The following SBF2 variants were observed in gnomAD, a reference collection of about 807,000 sequenced individuals.
SBF2 encodes SET binding factor 2.
A neutral mutation model predicts 225.2 loss-of-function variants in SBF2; 112 were observed. The ratio of observed to expected loss-of-function variants is 0.50; its 90% confidence interval spans 0.43 to 0.58. The LOEUF is 0.58. SBF2 is among the 20% of genes least tolerant of loss of function. The pLI is 0.00. For missense variants in SBF2, 1,996 were observed against 2,206.2 expected (o/e 0.90, Z 1.91); for synonymous variants, 763 against 773.3 (o/e 0.99, Z 0.22).
chr11:9,852,550 A>C (rs528435586), intron 21 of SBF2, 126 bp downstream of exon 21: 3 of 755,148 alleles, frequency 4.0e-6, no homozygotes, highest in South Asian at 2.9e-5. Flanking sequence ...ACAGTTTAAC[A>C]TATCATTAAA....
At chr11:9,935,056 C>T (rs879227872) in intron 16 of SBF2, among the ~76,000 whole-genome samples, 1 of 152,034 alleles carries the variant, frequency 6.6e-6, no homozygotes, top group Non-Finnish European at 1.5e-5. Context: ...TTTAGAAAAC[C>T]CCATCGTCTC....
chr11:10,244,771 C>A (rs545672420), intron 1 of SBF2, among the ~76,000 whole-genome samples: 1 of 152,214 alleles, frequency 6.6e-6, no homozygotes, highest in Admixed American at 6.5e-5. Context: ...GCAAACTATA[C>A]AACTGATAAA....
At chr11:9,993,202 G>A in intron 10 of SBF2, 99 bp from the exon 11 acceptor site, 8 of 813,488 alleles carry the variant, frequency 9.8e-6, no homozygotes, top group Non-Finnish European at 1.6e-5. Flanking sequence ...CAAGTCCTTT[G>A]ATTTTTATAT....
chr11:10,078,640 G>A (rs554406325), intron 2 of SBF2, among the ~76,000 whole-genome samples: 16 of 151,916 alleles, frequency 1.1e-4, no homozygotes, highest in Admixed American at 9.8e-4. Context: ...GGGTTTGGGG[G>A]CTGGGGGAGG....
intron 2 of SBF2, among the ~76,000 whole-genome samples, chr11:10,125,471 G>A (rs1053851466): frequency 5.9e-5 from 9 of 151,976 alleles, no homozygotes; most frequent in African/African-American, 1.9e-4. Flanking sequence ...GTTAATGAAC[G>A]ACACTAGAAA....
intron 2 of SBF2, among the ~76,000 whole-genome samples, chr11:10,118,916 AAAACT>A (rs1421969804): frequency 1.3e-5 from 2 of 150,460 alleles, no homozygotes; most frequent in African/African-American, 4.9e-5. Context: ...AAAAAAAAAC[AAAACT>A]AAACAAACAA....
intron 1 of SBF2, among the ~76,000 whole-genome samples, chr11:10,261,482 C>T (rs1961428092): frequency 2.0e-5 from 3 of 152,208 alleles, no homozygotes; most frequent in Admixed American, 6.5e-5. Context: ...GGATTACAGG[C>T]GTGAGCCACT....
At chr11:9,835,261 C>T (rs1039954091) in intron 26 of SBF2, among the ~76,000 whole-genome samples, 3 of 151,936 alleles carry the variant, frequency 2.0e-5, no homozygotes, top group Admixed American at 6.6e-5. Flanking sequence ...AAGAAATTGA[C>T]CACTACAAGC....
At chr11:9,820,801 C>T (rs749475136) in intron 28 of SBF2, among the ~76,000 whole-genome samples, 4 of 152,188 alleles carry the variant, frequency 2.6e-5, no homozygotes, top group Non-Finnish European at 5.9e-5. Context: ...AAACTCAGGA[C>T]TCCAGTTCAC....
intron 16 of SBF2, chr11:9,959,528 T>C (rs1866419581): frequency 1.3e-6 from 1 of 795,138 alleles, no homozygotes. Flanking sequence ...AACACCAGCT[T>C]GTGGAGGTCC....
At chr11:10,296,834 G>A (rs193092765), upstream of SBF2, among the ~76,000 whole-genome samples, 2 of 152,158 alleles carry the variant, frequency 1.3e-5, no homozygotes, top group African/African-American at 4.8e-5. Context: ...AATGCACTAG[G>A]GTTCTGATTT....
At chr11:9,932,962 A>C (rs1209440866) in intron 16 of SBF2, among the ~76,000 whole-genome samples, 9 of 146,292 alleles carry the variant, frequency 6.2e-5, no homozygotes, top group Admixed American at 2.0e-4. Flanking sequence ...AAAAGCAAAA[A>C]AAAAAAAAAA....
intron 2 of SBF2, among the ~76,000 whole-genome samples, chr11:10,172,727 C>T (rs755098990): frequency 2.7e-5 from 4 of 149,496 alleles, no homozygotes; most frequent in African/African-American, 4.9e-5. Context: ...AGTGCAGTGG[C>T]GCCATCTTGG....
intron 17 of SBF2, among the ~76,000 whole-genome samples, chr11:9,864,444 T>A (rs1858017716): frequency 6.6e-6 from 1 of 152,022 alleles, no homozygotes; most frequent in Non-Finnish European, 1.5e-5. Context: ...TGGAGTGTAG[T>A]GGCACAAACA....
At chr11:10,055,471 G>A (rs561763823) in intron 2 of SBF2, among the ~76,000 whole-genome samples, 17 of 148,234 alleles carry the variant, frequency 1.1e-4, no homozygotes, top group African/African-American at 3.7e-4. Context: ...CAATTGCAAA[G>A]ATAAAGAATC....
rs569207153 is a variant in SBF2, at chr11:10,186,832, G to A, written c.141+7070C>T. On this transcript the variant is annotated intron_variant, in intron 2 of 39. Coordinates refer to ENST00000256190, the MANE Select transcript of SBF2 (RefSeq NM_030962.4). ...ACACAGTAAATCACAAAGGTTTCAG[G>A]AGCTCTGTGCCAGAAACTGGGGGCA... Among the ~76,000 whole-genome samples, 12 of 152,258 alleles carry A rather than the reference G, an allele frequency of 7.9e-5. No homozygotes were observed. In the South Asian group the frequency reaches 2.3e-3, roughly 29 times the overall value.
intron 3 of SBF2, among the ~76,000 whole-genome samples, chr11:10,035,714 A>G (rs1332551241): frequency 1.3e-5 from 2 of 152,244 alleles, no homozygotes; most frequent in East Asian, 3.8e-4. Context: ...TCACAATGAG[A>G]TACCATCTCA....
intron 2 of SBF2, among the ~76,000 whole-genome samples, chr11:10,158,355 A>C (rs904327304): frequency 1.3e-5 from 2 of 152,142 alleles, no homozygotes; most frequent in Non-Finnish European, 2.9e-5. Context: ...AATGAAATAT[A>C]AACAAGGAAA....
chr11:9,840,630 T>A (rs1410600233), intron 25 of SBF2, among the ~76,000 whole-genome samples: 2 of 152,224 alleles, frequency 1.3e-5, no homozygotes, highest in Non-Finnish European at 2.9e-5. Context: ...TTATCTTTCA[T>A]AAAATCACTA....
Sources: allele counts gnomAD v4.1 joint callset (sites outside exome capture counted in the v4.1 genomes callset), GRCh38; gene constraint gnomAD v4.1.1; transcripts MANE v1.5; gene names NCBI Gene and HGNC (gene_info 2026-07-23, HGNC 2026-07-21).